Variants in FANCA observed in about 807,000 individuals in gnomAD.
The protein encoded by FANCA is FA complementation group A.
In FANCA, 236 loss-of-function variants were observed where a neutral mutation model predicts 194.3. That is an observed-to-expected ratio of 1.21 (90% CI 1.09 to 1.35). The LOEUF (loss-of-function observed/expected upper bound fraction) is 1.35. Ranked by LOEUF, FANCA falls within the 40% of genes most tolerant of loss-of-function variation. FANCA has a pLI of 0.00. For synonymous variants in FANCA, 1,014 were observed against 715.8 expected (o/e 1.42, Z -6.65); for missense variants, 2,628 against 1,813.9 (o/e 1.45, Z -8.15).
chr16:89,797,108 A>C lies in FANCA; in HGVS notation c.894-1090T>G, dbSNP rs57096025. Among the ~76,000 whole-genome samples the C allele has an allele frequency of 5.5e-3, 832 of 152,206 alleles. 5 individuals are homozygous for C. Among genetic ancestry groups the C allele is most frequent in the African/African-American group, 0.019 (802 of 41,522 alleles). On this transcript the variant is annotated intron_variant, in intron 10 of 42. Transcript: ENST00000389301. ...CCAGGGAGCGGAGCTTGCAGTGAGC[A>C]GAGATCGCACCACTGCACTCCAGCA...
chr16:89,799,498 A>G, intron 9 of FANCA, 107 bp downstream of exon 9: 1 of 1,172,276 alleles, frequency 8.5e-7, no homozygotes, highest in South Asian at 1.2e-5. Flanking sequence ...CTGCACAGTG[A>G]AACATACAGA....
In FANCA at chr16:89,739,526, CGGA is replaced by C. The variant is rs927201841; in HGVS notation, c.3959_3961del (p.Leu1320del). The C allele has an allele frequency of 3.3e-5, 51 of 1,551,202 alleles. No individual in the cohort carries two copies. The highest frequency in any genetic ancestry group is 4.4e-5 in the Non-Finnish European group (51 of 1,147,066). On this transcript the variant is annotated inframe_deletion, in exon 40 of 43. Transcript: ENST00000389301. ...CCTGGTGTGCTGATCCGGGGCCACA[CGGA>C]GGAGGAGCCGCCCCAGCCTGAGGTC...
chr16:89,768,705 C>T (rs1266749265), intron 26 of FANCA, among the ~76,000 whole-genome samples: 2 of 151,974 alleles, frequency 1.3e-5, no homozygotes, highest in African/African-American at 2.4e-5. Context: ...AAACACACAC[C>T]AAATATATAT....
In FANCA at chr16:89,814,522, A is replaced by G; in HGVS notation, c.281T>C (p.Ile94Thr). 1 of 1,607,472 alleles carries G rather than the reference A, an allele frequency of 6.2e-7. No homozygotes were observed. Among genetic ancestry groups the G allele is most frequent in the South Asian group, 1.1e-5 (1 of 90,936 alleles). The change falls in exon 3 of 43, where the codon ATA (isoleucine) becomes ACA (threonine). Residue 94 changes from isoleucine (I) to threonine (T), a missense_variant and splice_region_variant. By Grantham distance (89) the Ile-to-Thr change is moderately conservative. Coordinates refer to ENST00000389301, the MANE Select transcript of FANCA (RefSeq NM_000135.4). The stretch of plus-strand genomic sequence containing the variant: ...GAGAAAATGAAGCTATAACTTACCT[A>G]TAAATGAACTAGAATGATTAGCATA... ...EAYANHSSSFIGSALQDQASR... is the reference protein window; with the variant it reads ...EAYANHSSSFTGSALQDQASR...
chr16:89,791,920 A>C lies in FANCA; in HGVS notation c.1225+7T>G, dbSNP rs200008791. Reference sequence around the variant, plus strand: ...ACCAGCACCACCGGGCTCGCGTAAAAGCTCACCTTCAAGCAGCTGCTGCGC... The same window carrying C: ...ACCAGCACCACCGGGCTCGCGTAAACGCTCACCTTCAAGCAGCTGCTGCGC... On this transcript the variant is annotated splice_region_variant and intron_variant, in intron 13 of 42. Transcript: ENST00000389301. 6.2e-7 allele frequency: 1 copy of C among 1,614,120 alleles called. No individual in the cohort carries two copies. The highest frequency in any genetic ancestry group is 2.2e-5 in the East Asian group (1 of 44,878).
Position 89,806,980 on chromosome 16 carries a change from T to C in FANCA, c.596+1314A>G, listed in dbSNP as rs994845351. ...CAGGGCGGCTGGCCGGGCGGGGGGC[T>C]GACTCCCCCACCTCCCTCCCGGACG... On this transcript the variant is annotated intron_variant, in intron 6 of 42. Coordinates refer to ENST00000389301, the MANE Select transcript of FANCA (RefSeq NM_000135.4). Among the ~76,000 whole-genome samples the C allele has an allele frequency of 2.7e-4, 41 of 152,106 alleles. 1 individual carries two copies. The highest frequency in any genetic ancestry group is 9.7e-4 in the African/African-American group (40 of 41,430).
At chr16:89,778,476 A>C in intron 20 of FANCA, 2 of 333,466 alleles carry the variant, frequency 6.0e-6, no homozygotes, top group Non-Finnish European at 1.1e-5. Flanking sequence ...AAAAAAAAAA[A>C]AAAAAAAAAC....
chr16:89,776,009 A>G (rs1449833585), intron 20 of FANCA, among the ~76,000 whole-genome samples, 194 bp from the exon 21 acceptor site: 3 of 151,794 alleles, frequency 2.0e-5, no homozygotes, highest in South Asian at 2.1e-4. Flanking sequence ...GTTTCAAAAT[A>G]TATCATATTA....
At chr16:89,744,398 G>A (rs570312842) in intron 36 of FANCA, among the ~76,000 whole-genome samples, 6 of 152,258 alleles carry the variant, frequency 3.9e-5, no homozygotes, top group Admixed American at 3.3e-4. Flanking sequence ...TCCTCAGAAG[G>A]GTGTGTGAGC....
At chr16:89,781,385 A>C (rs1346393558) in intron 17 of FANCA, among the ~76,000 whole-genome samples, 3 of 150,042 alleles carry the variant, frequency 2.0e-5, no homozygotes, top group Admixed American at 6.7e-5. Context: ...AAAAAAAAAA[A>C]ACAATACGCT....
At chr16:89,756,491 T>C (rs1006653844) in intron 30 of FANCA, among the ~76,000 whole-genome samples, 1 of 152,072 alleles carries the variant, frequency 6.6e-6, no homozygotes, top group Non-Finnish European at 1.5e-5. Flanking sequence ...TTGCCAGGTA[T>C]GGTGGTGCCT....
chr16:89,798,846 A>G (rs890263145), intron 10 of FANCA: 9 of 1,508,930 alleles, frequency 6.0e-6, no homozygotes, highest in Non-Finnish European at 7.9e-6. Context: ...ACACCCAGGG[A>G]AGGAGGAGCA....
At chr16:89,765,173 C>A (rs1483168672) in intron 27 of FANCA, 107 bp from the exon 28 acceptor site, 3 of 1,313,064 alleles carry the variant, frequency 2.3e-6, no homozygotes, top group African/African-American at 1.5e-5. Flanking sequence ...ACACACACAA[C>A]CCCACATTCA....
intron 32 of FANCA, among the ~76,000 whole-genome samples, chr16:89,749,043 A>T (rs2038489641): frequency 6.6e-6 from 1 of 152,198 alleles, no homozygotes; most frequent in Admixed American, 6.5e-5. Flanking sequence ...TTACACGATA[A>T]CCAAGTGGAT....
At chr16:89,793,670 TC>T (rs1369627808) in intron 11 of FANCA, among the ~76,000 whole-genome samples, 5 of 151,804 alleles carry the variant, frequency 3.3e-5, no homozygotes, top group Admixed American at 6.6e-5. Context: ...AGCCTCGACC[TC>T]CCTGGCTCAA....
At chr16:89,789,256 C>T (rs936644062) in intron 14 of FANCA, among the ~76,000 whole-genome samples, 1 of 151,300 alleles carries the variant, frequency 6.6e-6, no homozygotes, top group Non-Finnish European at 1.5e-5. Context: ...TCTCCCAACA[C>T]AAGCAGATGC....
chr16:89,746,314 C>T (rs1329859429), intron 35 of FANCA, among the ~76,000 whole-genome samples: 1 of 152,178 alleles, frequency 6.6e-6, no homozygotes, highest in Non-Finnish European at 1.5e-5. Flanking sequence ...CATGAAGGTG[C>T]CCGTGGGGTC....
chr16:89,744,960 C>T lies in FANCA; in HGVS notation c.3625G>A (p.Asp1209Asn), dbSNP rs780494941. Residue 1209 changes from aspartate (D) to asparagine (N), a missense_variant and splice_region_variant, in exon 36 of 43, where the codon GAT becomes AAT. By Grantham distance (23) the Asp-to-Asn change is conservative (BLOSUM62 1). Transcript: ENST00000389301. ...CCCCATCTCACCACCCACACGTACT[C>T]GCTGGCAAACTGCCGGCCTTCTTGT... The part of the protein sequence containing the change: ...KLQEGRQFAS[D>N]FLSPEAASPA... The T allele has an allele frequency of 1.6e-5, 25 of 1,611,432 alleles. No individual in the cohort carries two copies. The highest frequency in any genetic ancestry group is 5.0e-5 in the Admixed American group (3 of 59,982).
chr16:89,798,860 G>C (rs1391283009), intron 10 of FANCA: 1 of 1,537,498 alleles, frequency 6.5e-7, no homozygotes, highest in African/African-American at 1.4e-5. Flanking sequence ...AGGAGCAAGG[G>C]GAGACTCCAC....
Sources: gnomAD v4.1 joint callset for allele counts (sites outside exome capture counted in the v4.1 genomes callset) on GRCh38, gnomAD v4.1.1 for gene constraint, MANE v1.5 for transcripts, NCBI Gene and HGNC (gene_info 2026-07-23, HGNC 2026-07-21) for gene names.